Variants in LARGE1 observed in about 807,000 individuals in gnomAD.
LARGE1 encodes the protein LARGE xylosyl- and glucuronyltransferase 1.
A neutral mutation model predicts 87.6 loss-of-function variants in LARGE1; 43 were observed. The observed-to-expected ratio is 0.49, with a 90% CI of 0.38 to 0.63. The LOEUF (loss-of-function observed/expected upper bound fraction) is 0.63. Among genes scored for constraint, LARGE1 ranks in the 30% least tolerant of loss-of-function variants. The pLI is 0.00. For missense variants in LARGE1, 802 were observed against 1,000.2 expected, an observed-to-expected ratio of 0.80 and a Z score of 2.67; for synonymous variants, 434 against 394.6, an observed-to-expected ratio of 1.10 and a Z score of -1.18.
At chr22:33,519,230 G>A (rs1226393134) in intron 6 of LARGE1, among the ~76,000 whole-genome samples, 1 of 137,624 alleles carries the variant, frequency 7.3e-6, no homozygotes, top group Non-Finnish European at 1.6e-5. Flanking sequence ...GCGTGCGTGC[G>A]CGCGCGTGTG....
intron 11 of LARGE1, among the ~76,000 whole-genome samples, chr22:33,308,678 C>T (rs79930481): frequency 0.021 from 3,172 of 152,142 alleles, 31 homozygotes; most frequent in South Asian, 0.035. Flanking sequence ...CTTGCCCTGG[C>T]GTTCCCATGG....
chr22:33,711,847 G>C (rs1158905395), intron 2 of LARGE1, among the ~76,000 whole-genome samples: 1 of 151,896 alleles, frequency 6.6e-6, no homozygotes, highest in Non-Finnish European at 1.5e-5. Flanking sequence ...TTTTTGCAGA[G>C]ACAGGGTCTT....
At chr22:33,519,389 G>A (rs114186522) in intron 6 of LARGE1, among the ~76,000 whole-genome samples, 2,533 of 152,140 alleles carry the variant, frequency 0.017, 55 homozygotes, top group African/African-American at 0.048. Context: ...ACTCTGCCAC[G>A]GGGATATCTA....
chr22:33,183,638 A>ACGCACG (rs1555880694), intron 11 of LARGE1, among the ~76,000 whole-genome samples: 3 of 109,046 alleles, frequency 2.8e-5, no homozygotes, highest in African/African-American at 3.0e-5. Context: ...ACACACACAC[A>ACGCACG]CACACACACA....
rs928170452 is a variant in LARGE1, at chr22:33,556,608, C to CAGGGAAGG, written c.787+8232_787+8239dup. Among the ~76,000 whole-genome samples the CAGGGAAGG allele has an allele frequency of 5.5e-5, 6 of 109,120 alleles. No individual in the cohort carries two copies. In the East Asian group the frequency reaches 1.5e-3, roughly 27 times the overall value. The allele number at this position is 109,120 out of a possible 152,430, so 71.6% of individuals were successfully genotyped here. A position where few individuals can be genotyped will look rare whatever the true frequency, so the allele number is the denominator to read the frequency against. On this transcript the variant is annotated intron_variant, in intron 6 of 14. Transcript: ENST00000397394. ...GCAGGAAGGCAGGCAGGTAGGGAGG[C>CAGGGAAGG]AGGGAAGGAGGGAAGGAGGGAGAAA...
intron 2 of LARGE1, among the ~76,000 whole-genome samples, chr22:33,650,920 T>C (rs1242020655): frequency 2.6e-5 from 4 of 151,996 alleles, no homozygotes; most frequent in African/African-American, 9.7e-5. Flanking sequence ...TAAAATTGTT[T>C]CTAATTAAAT....
At chr22:33,394,022 G>A (rs1000117320) in intron 7 of LARGE1, among the ~76,000 whole-genome samples, 5 of 151,168 alleles carry the variant, frequency 3.3e-5, no homozygotes, top group Admixed American at 3.3e-4. Flanking sequence ...TGTGCAGAGA[G>A]GAAAGTGAGA....
At chr22:33,712,447 A>G (rs2082760638) in intron 2 of LARGE1, among the ~76,000 whole-genome samples, 1 of 152,032 alleles carries the variant, frequency 6.6e-6, no homozygotes, top group South Asian at 2.1e-4. Context: ...GAGGCCATGA[A>G]CCCACTGGCT....
At chr22:33,080,131 C>T in the LARGE1 span, among the ~76,000 whole-genome samples, 17 of 152,186 alleles carry the variant, frequency 1.1e-4, no homozygotes, top group African/African-American at 4.1e-4. Flanking sequence ...ATTATAGCCC[C>T]AGGAAACATG....
intron 2 of LARGE1, among the ~76,000 whole-genome samples, chr22:33,721,808 T>C (rs1311257761): frequency 6.6e-6 from 1 of 152,204 alleles, no homozygotes; most frequent in African/African-American, 2.4e-5. Context: ...GTGGTATCTT[T>C]TTCCTTGGTA....
At chr22:33,504,776 C>A (rs1461488418) in intron 6 of LARGE1, among the ~76,000 whole-genome samples, 1 of 152,160 alleles carries the variant, frequency 6.6e-6, no homozygotes, top group Admixed American at 6.5e-5. Flanking sequence ...ATTAGTCTCA[C>A]AGTTGCTATA....
At chr22:33,870,611 C>G (rs182791442) in intron 1 of LARGE1, among the ~76,000 whole-genome samples, 60 of 152,198 alleles carry the variant, frequency 3.9e-4, no homozygotes, top group African/African-American at 1.4e-3. Flanking sequence ...TTCTGTTGCC[C>G]AGGCTGGAGT....
intron 9 of LARGE1, among the ~76,000 whole-genome samples, chr22:33,341,870 G>A (rs2146626034): frequency 6.6e-6 from 1 of 152,298 alleles, no homozygotes; most frequent in Non-Finnish European, 1.5e-5. Context: ...GGTTCCATAA[G>A]TGTGGGTTTC....
intron 2 of LARGE1, among the ~76,000 whole-genome samples, chr22:33,716,061 C>T (rs2082898482): frequency 6.6e-6 from 1 of 152,154 alleles, no homozygotes; most frequent in Non-Finnish European, 1.5e-5. Context: ...TTCCATCTCA[C>T]CCCATATACT....
chr22:33,849,675 T>G (rs1327044817), intron 1 of LARGE1, among the ~76,000 whole-genome samples: 1 of 138,338 alleles, frequency 7.2e-6, no homozygotes, highest in East Asian at 2.2e-4. Context: ...CTTGGCTCAC[T>G]GCAACCTCTA....
At chr22:33,565,335 A>T (rs1454627359) in intron 5 of LARGE1, among the ~76,000 whole-genome samples, 1 of 152,214 alleles carries the variant, frequency 6.6e-6, no homozygotes, top group African/African-American at 2.4e-5. Flanking sequence ...CCACTAGAGA[A>T]AAAAAGGATA....
chr22:33,376,974 C>T (rs1423539968), intron 9 of LARGE1, among the ~76,000 whole-genome samples: 2 of 152,174 alleles, frequency 1.3e-5, no homozygotes, highest in African/African-American at 4.8e-5. Context: ...CATTCATTCT[C>T]TCCAACGTGA....
the LARGE1 span, among the ~76,000 whole-genome samples, chr22:33,128,684 A>AAAC: frequency 1.3e-5 from 1 of 78,440 alleles, no homozygotes. Flanking sequence ...CAAAAACAAA[A>AAAC]AAAAAAAAAA....
chr22:33,430,228 G>T (rs1368095615), intron 7 of LARGE1, among the ~76,000 whole-genome samples: 2 of 152,166 alleles, frequency 1.3e-5, no homozygotes, highest in East Asian at 3.8e-4. Flanking sequence ...TTCTGGTATA[G>T]GCATGGCACC....
Sources: gnomAD v4.1 joint callset for allele counts (sites outside exome capture counted in the v4.1 genomes callset) on GRCh38, gnomAD v4.1.1 for gene constraint, MANE v1.5 for transcripts, NCBI Gene and HGNC (gene_info 2026-07-23, HGNC 2026-07-21) for gene names.